DNAH14: variants seen among roughly 807,000 people sequenced by gnomAD.
DNAH14 encodes dynein axonemal heavy chain 14, also known as axonemal beta dynein heavy chain 14.
DNAH14 carries 478 observed loss-of-function variants against 520.9 expected under a neutral mutation model. The observed-to-expected ratio is 0.92, with a 90% CI of 0.85 to 0.99. DNAH14 has a LOEUF of 0.99. DNAH14 is among the 50% of genes least tolerant of loss of function. The pLI, the probability that DNAH14 is intolerant of heterozygous loss-of-function variation, is 0.00. For missense variants in DNAH14, 4,831 were observed against 5,234.5 expected (o/e 0.92, Z 2.38); for synonymous variants, 1,581 against 1,757.2 (o/e 0.90, Z 2.51).
At chr1:224,964,355 G>A (rs182246979) in intron 4 of DNAH14, 124 bp from the exon 5 acceptor site, 158 of 1,095,600 alleles carry the variant, frequency 1.4e-4, no homozygotes, top group Admixed American at 4.5e-4. Context: ...TCTAATAATC[G>A]TTATGTATAC....
intron 36 of DNAH14, among the ~76,000 whole-genome samples, chr1:225,168,237 G>C (rs936219655): frequency 2.0e-5 from 3 of 152,212 alleles, no homozygotes; most frequent in Admixed American, 6.5e-5. Context: ...CCCAGCGTGA[G>C]CGACGCAGAA....
intron 1 of DNAH14, among the ~76,000 whole-genome samples, chr1:224,942,129 T>C (rs1430839514): frequency 1.3e-5 from 2 of 152,100 alleles, no homozygotes; most frequent in Non-Finnish European, 2.9e-5. Flanking sequence ...ATTGATTCTT[T>C]CTACCCATGA....
intron 37 of DNAH14, among the ~76,000 whole-genome samples, chr1:225,185,930 A>G (rs1163707705): frequency 1.0e-5 from 1 of 97,378 alleles, no homozygotes; most frequent in Non-Finnish European, 2.2e-5. Flanking sequence ...GGAATTTTCT[A>G]TTCGCATTAC....
chr1:225,140,634 G>A lies in DNAH14; in HGVS notation c.4255-134G>A, dbSNP rs1218561445. The A allele has an allele frequency of 1.5e-5, 10 of 688,342 alleles. No individual in the cohort carries two copies. In the Admixed American group the frequency reaches 3.2e-4, roughly 22 times the overall value. 42.6% of individuals were successfully genotyped at this position (688,342 alleles called of 1,614,324 possible). A position where few individuals can be genotyped will look rare whatever the true frequency, so the allele number is the denominator to read the frequency against. ...CCTCAAATACACACAAATGTGTAAG[G>A]TCTCTTACACAAACACTTACATACA... On this transcript the variant is annotated intron_variant, in intron 27 of 85. Transcript: ENST00000682510.
intron 41 of DNAH14, among the ~76,000 whole-genome samples, chr1:225,217,697 G>C (rs543189957): frequency 7.2e-5 from 11 of 152,176 alleles, no homozygotes; most frequent in African/African-American, 2.7e-4. Flanking sequence ...GGGACCCTCC[G>C]AGCCAGGCGC....
Position 225,335,974 on chromosome 1 carries a change from C to CAT in DNAH14, c.10081-1289_10081-1288dup, listed in dbSNP as rs1233021556. On this transcript the variant is annotated intron_variant, in intron 66 of 85. Transcript: ENST00000682510. The stretch of plus-strand genomic sequence containing the variant: ...ATATATACACATATACATATATGTA[C>CAT]ATATGTGTATATACACACATATGCA... 3.6e-3 allele frequency among the ~76,000 whole-genome samples: 516 copies of CAT among 143,742 alleles called. 9 individuals are homozygous for CAT. Among genetic ancestry groups the CAT allele is most frequent in the African/African-American group, 5.8e-3 (229 of 39,248 alleles). 94.3% of individuals were successfully genotyped at this position (143,742 alleles called of 152,430 possible).
At chr1:225,224,889 C>A (rs2090394191) in intron 41 of DNAH14, among the ~76,000 whole-genome samples, 1 of 152,114 alleles carries the variant, frequency 6.6e-6, no homozygotes, top group Non-Finnish European at 1.5e-5. Context: ...CTTGAAACAG[C>A]CCTCATTAAG....
At chr1:225,305,730 G>A (rs938609187) in intron 58 of DNAH14, among the ~76,000 whole-genome samples, 1 of 152,150 alleles carries the variant, frequency 6.6e-6, no homozygotes, top group Non-Finnish European at 1.5e-5. Flanking sequence ...CCTATATGGA[G>A]ACATGAAGGG....
chr1:224,937,895 A>G (rs1012824394), intron 1 of DNAH14, among the ~76,000 whole-genome samples: 2 of 152,176 alleles, frequency 1.3e-5, no homozygotes, highest in African/African-American at 4.8e-5. Context: ...GTATAAATTC[A>G]CACATTTACA....
At chr1:225,291,473 G>A (rs1406109525) in intron 55 of DNAH14, among the ~76,000 whole-genome samples, 1 of 152,074 alleles carries the variant, frequency 6.6e-6, no homozygotes, top group Non-Finnish European at 1.5e-5. Context: ...CTGGAGTGCA[G>A]TGGTGCAATC....
intron 22 of DNAH14, 28 bp from the exon 23 acceptor site, chr1:225,100,685 A>G: frequency 6.8e-7 from 1 of 1,463,842 alleles, no homozygotes; most frequent in Non-Finnish European, 9.0e-7. Flanking sequence ...TAAAAAAAAT[A>G]AAATGACATC....
At chr1:225,250,278 A>C (rs1457367087) in intron 43 of DNAH14, among the ~76,000 whole-genome samples, 3 of 152,196 alleles carry the variant, frequency 2.0e-5, no homozygotes, top group Non-Finnish European at 4.4e-5. Context: ...TATTATAGCC[A>C]TTCCAGTGGG....
At chr1:225,284,220 G>T (rs1033239132) in intron 54 of DNAH14, among the ~76,000 whole-genome samples, 3 of 151,734 alleles carry the variant, frequency 2.0e-5, no homozygotes, top group Non-Finnish European at 4.4e-5. Context: ...TTGGTTCTTT[G>T]AAAAGATCAA....
chr1:225,040,219 A>G (rs1037362634), intron 12 of DNAH14, among the ~76,000 whole-genome samples: 2 of 152,124 alleles, frequency 1.3e-5, no homozygotes, highest in East Asian at 1.9e-4. Flanking sequence ...GATTACAGGC[A>G]TGAGCCACTG....
chr1:225,305,220 T>C, intron 58 of DNAH14, 131 bp downstream of exon 58: 1 of 1,072,530 alleles, frequency 9.3e-7, no homozygotes, highest in Non-Finnish European at 1.3e-6. Context: ...CTGCAGAAGA[T>C]CTTAAAAGAG....
intron 1 of DNAH14, among the ~76,000 whole-genome samples, chr1:224,938,608 C>A (rs1341403642): frequency 6.6e-6 from 1 of 152,110 alleles, no homozygotes; most frequent in Non-Finnish European, 1.5e-5. Flanking sequence ...TAAGTTAGTA[C>A]AACTACTATG....
In DNAH14 at chr1:225,079,263, T is replaced by C. The variant is rs1317920520; in HGVS notation, c.2481T>C (p.Phe827=). 14 of 1,548,274 alleles carry C rather than the reference T, an allele frequency of 9.0e-6. No individual in the cohort carries two copies. Among genetic ancestry groups the C allele is most frequent in the Non-Finnish European group, 1.0e-5 (12 of 1,146,374 alleles). ...LECDPTEIEE[F]LEHFIFLNAI... ...GTGATCCCACTGAAATAGAAGAATT[T>C]CTGGAGCATTTTATTTTTTTGAATG... The change falls in exon 18 of 86, where the codon TTT becomes TTC. Residue 827 remains phenylalanine (F), a synonymous_variant. Transcript: ENST00000682510.
intron 34 of DNAH14, among the ~76,000 whole-genome samples, chr1:225,159,100 G>A (rs2081301912): frequency 6.6e-6 from 1 of 152,082 alleles, no homozygotes; most frequent in Admixed American, 6.5e-5. Context: ...CTGGGGATTG[G>A]TGTTGCTCTT....
At chr1:225,194,015 G>C (rs1391321050) in intron 38 of DNAH14, among the ~76,000 whole-genome samples, 2 of 151,644 alleles carry the variant, frequency 1.3e-5, no homozygotes, top group Non-Finnish European at 3.0e-5. Context: ...TCTATAATGA[G>C]AATAACAAAA....
Sources: allele counts gnomAD v4.1 joint callset (sites outside exome capture counted in the v4.1 genomes callset), GRCh38; gene constraint gnomAD v4.1.1; transcripts MANE v1.5; gene names NCBI Gene and HGNC (gene_info 2026-07-23, HGNC 2026-07-21).